The following LRRIQ3 variants were observed in gnomAD, a reference collection of about 807,000 sequenced individuals.
LRRIQ3 encodes leucine rich repeats and IQ motif containing 3, also known as leucine-rich repeat and IQ domain-containing protein 3.
A neutral mutation model predicts 59.3 loss-of-function variants in LRRIQ3; 75 were observed. That is an observed-to-expected ratio of 1.26 (90% CI 1.05 to 1.53). The LOEUF is 1.53. Among genes scored for constraint, LRRIQ3 ranks in the 40% most tolerant of loss-of-function variants. The pLI is 0.00. For synonymous variants in LRRIQ3, 250 were observed against 231.3 expected, an observed-to-expected ratio of 1.08 and a Z score of -0.73; for missense variants, 831 against 710.0, an observed-to-expected ratio of 1.17 and a Z score of -1.94.
At chr1:74,082,645 T>C (rs888633838) in intron 5 of LRRIQ3, 5 of 151,600 alleles carry the variant, frequency 3.3e-5, no homozygotes, top group African/African-American at 1.2e-4. Context: ...CTAAACACCT[T>C]AAGTAATCCA....
At chr1:74,162,554 G>A (rs1308953546) in intron 3 of LRRIQ3, among the ~76,000 whole-genome samples, 2 of 151,692 alleles carry the variant, frequency 1.3e-5, no homozygotes, top group Non-Finnish European at 3.0e-5. Flanking sequence ...TGACTCATAT[G>A]GATGACAGTG....
chr1:74,181,535 C>A (rs1649976010), intron 3 of LRRIQ3: 2 of 151,800 alleles, frequency 1.3e-5, no homozygotes, highest in African/African-American at 4.8e-5. Context: ...TTAAAAGGGT[C>A]ATGCCTGTTG....
intron 7 of LRRIQ3, among the ~76,000 whole-genome samples, chr1:74,035,588 A>C (rs1349583835): frequency 6.6e-6 from 1 of 152,170 alleles, no homozygotes; most frequent in Non-Finnish European, 1.5e-5. Context: ...AGTTTTGTCC[A>C]AAGTGTGCCC....
intron 4 of LRRIQ3, among the ~76,000 whole-genome samples, chr1:74,133,566 C>T (rs984075045): frequency 6.6e-6 from 1 of 152,024 alleles, no homozygotes; most frequent in African/African-American, 2.4e-5. Context: ...TTTGTAGGCA[C>T]CTGGATGAAG....
In LRRIQ3 at chr1:74,145,058, A is replaced by C. The variant is rs918793591; in HGVS notation, c.707+10675T>G. 4.6e-5 allele frequency among the ~76,000 whole-genome samples: 7 copies of C among 152,272 alleles called. 1 individual carries two copies. Among genetic ancestry groups the C allele is most frequent in the Admixed American group, 6.5e-5 (1 of 15,276 alleles). On this transcript the variant is annotated intron_variant, in intron 4 of 7. Coordinates refer to ENST00000354431, the MANE Select transcript of LRRIQ3 (RefSeq NM_001105659.2). ...AAATAGATTAATGTACATTTAGTAG[A>C]GGTATACAACACCTGAAAATCCTTC...
chr1:74,175,125 G>A (rs1341028637), intron 3 of LRRIQ3, among the ~76,000 whole-genome samples: 1 of 152,182 alleles, frequency 6.6e-6, no homozygotes, highest in Non-Finnish European at 1.5e-5. Flanking sequence ...GGCTGGTGAA[G>A]CCTGCTGACC....
chr1:74,146,230 C>G (rs1319175171), intron 4 of LRRIQ3, among the ~76,000 whole-genome samples: 1 of 151,964 alleles, frequency 6.6e-6, no homozygotes, highest in Non-Finnish European at 1.5e-5. Context: ...TGTCATTAAG[C>G]AATGCATGAC....
intron 6 of LRRIQ3, among the ~76,000 whole-genome samples, chr1:74,070,806 G>C (rs902122309): frequency 6.6e-6 from 1 of 151,630 alleles, no homozygotes; most frequent in Non-Finnish European, 1.5e-5. Flanking sequence ...CACTCATTTT[G>C]TTTATAAAAT....
At chr1:74,184,301 T>C (rs769355922) in intron 1 of LRRIQ3, among the ~76,000 whole-genome samples, 1 of 152,148 alleles carries the variant, frequency 6.6e-6, no homozygotes, top group Non-Finnish European at 1.5e-5. Flanking sequence ...TAAATTTATC[T>C]AAAATATTTG....
intron 7 of LRRIQ3, among the ~76,000 whole-genome samples, chr1:74,034,801 CT>C (rs11331087): frequency 0.47 from 71,700 of 151,412 alleles, 18,485 homozygotes; most frequent in East Asian, 0.82. Context: ...AAGGCAAATG[CT>C]TTTTTTTATT....
chr1:74,133,987 TTTTA>T (rs1329897029), intron 4 of LRRIQ3, among the ~76,000 whole-genome samples: 12 of 152,046 alleles, frequency 7.9e-5, no homozygotes, highest in Admixed American at 7.9e-4. Context: ...ATATTTGAAT[TTTTA>T]TTTGATTCAA....
At chr1:74,137,943 G>T (rs560496311) in intron 4 of LRRIQ3, among the ~76,000 whole-genome samples, 2 of 151,768 alleles carry the variant, frequency 1.3e-5, no homozygotes, top group African/African-American at 2.4e-5. Context: ...GGCCTGTCAG[G>T]GGGTGGGAGG....
At chr1:74,034,169 T>C (rs17094763) in intron 7 of LRRIQ3, among the ~76,000 whole-genome samples, 2,281 of 152,140 alleles carry the variant, frequency 0.015, 46 homozygotes, top group African/African-American at 0.052. Flanking sequence ...AGAATGCTTT[T>C]AGGTCAAGAG....
intron 4 of LRRIQ3, among the ~76,000 whole-genome samples, chr1:74,139,932 A>G (rs535435298): frequency 1.3e-5 from 2 of 152,090 alleles, no homozygotes; most frequent in South Asian, 4.1e-4. Flanking sequence ...TTGGAAATAT[A>G]GAGTGTATCT....
At chr1:74,090,508 T>C (rs1222476993) in intron 5 of LRRIQ3, among the ~76,000 whole-genome samples, 1 of 151,848 alleles carries the variant, frequency 6.6e-6, no homozygotes, top group African/African-American at 2.4e-5. Flanking sequence ...GTAATGAAAA[T>C]AAAATTTGGA....
At chr1:74,133,740 T>C (rs539490912) in intron 4 of LRRIQ3, among the ~76,000 whole-genome samples, 17 of 151,808 alleles carry the variant, frequency 1.1e-4, no homozygotes, top group Non-Finnish European at 2.4e-4. Flanking sequence ...AGGGATAGCA[T>C]TGGGAGATAT....
intron 3 of LRRIQ3, chr1:74,180,433 T>G: frequency 3.3e-6 from 1 of 304,434 alleles, no homozygotes; most frequent in Non-Finnish European, 6.1e-6. Flanking sequence ...TGAATTTTTG[T>G]TTTTCATTTC....
chr1:74,155,733 C>T lies in LRRIQ3; in HGVS notation c.707G>A (p.Ser236Asn). 1 of 1,565,344 alleles carries T rather than the reference C, an allele frequency of 6.4e-7. No individual in the cohort carries two copies. Among genetic ancestry groups the T allele is most frequent in the Non-Finnish European group, 8.6e-7 (1 of 1,164,056 alleles). The change falls in exon 4 of 8, where the codon AGC becomes AAC. Residue 236 changes from serine to asparagine, a missense_variant and splice_region_variant. Transcript: ENST00000354431. ...AAATGGTAAAGAAAACAAAACATAC[C>T]TCAAATTTTTTCTAACTAAGAAACC... ...IRGFLVRKNL[S>N]PVFFHKKKQQ...
intron 1 of LRRIQ3, among the ~76,000 whole-genome samples, chr1:74,197,488 C>CA (rs937567547): frequency 4.0e-5 from 6 of 151,860 alleles, no homozygotes; most frequent in Admixed American, 6.6e-5. Context: ...TATAGCTACC[C>CA]AAAAAAACAC....
Sources: gnomAD v4.1 joint callset for allele counts (sites outside exome capture counted in the v4.1 genomes callset) on GRCh38, gnomAD v4.1.1 for gene constraint, MANE v1.5 for transcripts, NCBI Gene and HGNC (gene_info 2026-07-23, HGNC 2026-07-21) for gene names.